The following GYG1 variants were observed in gnomAD, a reference collection of about 807,000 sequenced individuals.
GYG1 encodes the protein glycogenin 1.
A neutral mutation model predicts 41.9 loss-of-function variants in GYG1; 44 were observed. The ratio of observed to expected loss-of-function variants is 1.05; its 90% CI spans 0.83 to 1.35. The LOEUF is 1.35. Ranked by LOEUF, GYG1 falls within the 40% of genes most tolerant of loss-of-function variation. GYG1 has a pLI of 0.00. For missense variants in GYG1, 429 were observed against 418.9 expected (o/e 1.02, Z -0.21); for synonymous variants, 141 against 158.1 (o/e 0.89, Z 0.81).
intron 4 of GYG1, 102 bp from the exon 5 acceptor site, chr3:149,009,174 A>AT: frequency 2.2e-6 from 2 of 924,478 alleles, no homozygotes; most frequent in Non-Finnish European, 3.3e-6. Flanking sequence ...AAAAAAAAAA[A>AT]TGGAATTAGT....
At position 149,026,869 on chromosome 3, in the gene GYG1, C is replaced by G; in HGVS notation, c.989C>G (p.Ala330Gly). The G allele has an allele frequency of 6.2e-7, 1 of 1,613,734 alleles. No individual in the cohort carries two copies. Among genetic ancestry groups the G allele is most frequent in the Non-Finnish European group, 8.5e-7 (1 of 1,179,638 alleles). Residue 330 changes from alanine to glycine, a missense_variant, in exon 8 of 8, where the codon GCT becomes GGT. Ala to Gly is a moderately conservative substitution (Grantham distance 60). Transcript: ENST00000345003. Reference sequence around the variant, plus strand: ...AAGGAACGATGGGAACAGGGCCAGGCTGATTATATGGGAGCAGATTCCTTT... The same window carrying G: ...AAGGAACGATGGGAACAGGGCCAGGGTGATTATATGGGAGCAGATTCCTTT... The part of the protein sequence containing the change: ...ERKERWEQGQ[A>G]DYMGADSFDN...
At chr3:149,026,372 C>G (rs1030150259) in intron 6 of GYG1, 80 bp from the exon 7 acceptor site, 1 of 881,272 alleles carries the variant, frequency 1.1e-6, no homozygotes, top group Admixed American at 1.7e-5. Flanking sequence ...CCTTTCAGAG[C>G]CCACACAGAT....
In GYG1 at chr3:148,994,129, T is replaced by TC; in HGVS notation, c.8-12dup. On this transcript the variant is annotated splice_polypyrimidine_tract_variant and intron_variant, in intron 1 of 7. Transcript: ENST00000345003. ...GATACTGTAATGAGTGTTTTTTTTTTCTTTGTATTAAGATCAGGCCTTTGT... is the reference window on the plus strand; with the variant it reads ...GATACTGTAATGAGTGTTTTTTTTTTCCTTTGTATTAAGATCAGGCCTTTGT... The TC allele has an allele frequency of 6.2e-7, 1 of 1,612,356 alleles. No individual in the cohort carries two copies. The highest frequency in any genetic ancestry group is 1.1e-5 in the South Asian group (1 of 91,034).
chr3:148,999,158 G>A (rs1361085168), intron 4 of GYG1, among the ~76,000 whole-genome samples: 34 of 152,154 alleles, frequency 2.2e-4, no homozygotes, highest in Non-Finnish European at 1.5e-5. Flanking sequence ...AAGAAGCTTG[G>A]ATGCGTGCAG....
chr3:148,997,746 A>G (rs1576539080), intron 4 of GYG1, among the ~76,000 whole-genome samples: 1 of 152,236 alleles, frequency 6.6e-6, no homozygotes, highest in East Asian at 1.9e-4. Flanking sequence ...GAAGGAGGAC[A>G]TTCTCTTAGA....
intron 4 of GYG1, among the ~76,000 whole-genome samples, chr3:148,999,126 A>C (rs1378972948): frequency 6.6e-6 from 1 of 152,214 alleles, no homozygotes; most frequent in Non-Finnish European, 1.5e-5. Context: ...AGAATATGAA[A>C]CTAACTAACC....
intron 5 of GYG1, among the ~76,000 whole-genome samples, chr3:149,015,246 G>C (rs1173251328): frequency 6.6e-5 from 10 of 152,216 alleles, no homozygotes; most frequent in African/African-American, 2.4e-4. Context: ...TAGCATCCTA[G>C]TGAAAGTATG....
At chr3:149,024,691 C>T (rs1714558048) in intron 6 of GYG1, among the ~76,000 whole-genome samples, 1 of 152,130 alleles carries the variant, frequency 6.6e-6, no homozygotes, top group Non-Finnish European at 1.5e-5. Flanking sequence ...GTGAAAATGA[C>T]AATATGAACA....
chr3:148,995,310 G>A (rs572370827), intron 2 of GYG1, among the ~76,000 whole-genome samples: 4 of 152,300 alleles, frequency 2.6e-5, no homozygotes, highest in Admixed American at 2.6e-4. Context: ...TTTGTGATGT[G>A]TTTATTTTTC....
At chr3:148,994,073 G>T in intron 1 of GYG1, 69 bp from the exon 2 acceptor site, 1 of 1,383,274 alleles carries the variant, frequency 7.2e-7, no homozygotes, top group African/African-American at 1.4e-5. Context: ...TGTTTGAATG[G>T]GTTCCTGGGG....
At chr3:149,019,530 T>A (rs1305190814) in intron 5 of GYG1, among the ~76,000 whole-genome samples, 1 of 152,210 alleles carries the variant, frequency 6.6e-6, no homozygotes, top group Non-Finnish European at 1.5e-5. Flanking sequence ...AGTTTCTACT[T>A]TAAACAGCCT....
intron 2 of GYG1, among the ~76,000 whole-genome samples, 158 bp from the exon 3 acceptor site, chr3:148,996,144 G>A (rs1002055011): frequency 1.3e-5 from 2 of 152,204 alleles, no homozygotes; most frequent in Non-Finnish European, 2.9e-5. Context: ...GTTTGTCCTG[G>A]AGTAAAATTA....
In GYG1 at chr3:149,009,367, C is replaced by T; in HGVS notation, c.573C>T (p.Ser191=). 6.2e-7 allele frequency: 1 copy of T among 1,612,690 alleles called. No homozygotes were observed. Among genetic ancestry groups the T allele is most frequent in the Non-Finnish European group, 8.5e-7 (1 of 1,178,662 alleles). ...TGCCGTTTATTTATAACCTAAGCAG[C>T]ATCTCTATATACTCCTACCTCCCGG... is the stretch of plus-strand genomic sequence containing the variant. The part of the protein sequence containing the change: ...KHLPFIYNLS[S]ISIYSYLPAF... Residue 191 remains serine (S), a synonymous_variant, in exon 5 of 8, where the codon AGC becomes AGT. Transcript: ENST00000345003.
rs1044150667 is a variant in GYG1, at chr3:149,017,865, G to A, written c.609-6188G>A. Reference sequence around the variant, plus strand: ...TGAACTCAGGCAATTCTCCCGCCTCGGCCTCCCAAAGTGCTAGGATTACAG... The same window carrying A: ...TGAACTCAGGCAATTCTCCCGCCTCAGCCTCCCAAAGTGCTAGGATTACAG... On this transcript the variant is annotated intron_variant, in intron 5 of 7. Coordinates refer to ENST00000345003, the MANE Select transcript of GYG1 (RefSeq NM_004130.4). Among the ~76,000 whole-genome samples, 11 of 150,794 alleles carry A rather than the reference G, an allele frequency of 7.3e-5. No homozygotes were observed. The East Asian group carries it at 2.0e-3, about 27-fold the overall frequency.
intron 5 of GYG1, among the ~76,000 whole-genome samples, chr3:149,020,498 A>G (rs1457722621): frequency 6.6e-6 from 1 of 152,230 alleles, no homozygotes; most frequent in East Asian, 1.9e-4. Flanking sequence ...GAAGTTATTT[A>G]ACTTCTTCAT....
intron 5 of GYG1, among the ~76,000 whole-genome samples, chr3:149,014,088 A>C (rs186714878): frequency 6.6e-6 from 1 of 152,178 alleles, no homozygotes; most frequent in Admixed American, 6.5e-5. Flanking sequence ...CTTGTATGGC[A>C]CATGGCACAG....
At chr3:148,996,226 G>A in intron 2 of GYG1, 76 bp from the exon 3 acceptor site, 1 of 973,816 alleles carries the variant, frequency 1.0e-6, no homozygotes, top group Non-Finnish European at 1.7e-6. Flanking sequence ...AGGTAATAAA[G>A]CATCAGTCTT....
chr3:149,001,775 GGGTGGGTGGTGGT>G lies in GYG1; in HGVS notation c.481+4882_481+4894del, dbSNP rs555290286. Among the ~76,000 whole-genome samples the G allele has an allele frequency of 9.9e-4, 150 of 152,246 alleles. 1 individual carries two copies. The highest frequency in any genetic ancestry group is 3.5e-3 in the African/African-American group (146 of 41,538). Reference sequence around the variant, plus strand: ...TCTGGTTGGGTTATGTGTTGTGGTGGGGTGGGTGGTGGTGGTGGGTGGTTTTTCCATTCCCAAT... The same window carrying G: ...TCTGGTTGGGTTATGTGTTGTGGTGGGGTGGGTGGTTTTTCCATTCCCAAT... On this transcript the variant is annotated intron_variant, in intron 4 of 7. Transcript: ENST00000345003.
chr3:149,014,442 G>GA (rs1363561743), intron 5 of GYG1, among the ~76,000 whole-genome samples: 2 of 152,160 alleles, frequency 1.3e-5, no homozygotes, highest in African/African-American at 4.8e-5. Flanking sequence ...CTCGGTCGAA[G>GA]AGGGAGCTCA....
Sources: allele counts gnomAD v4.1 joint callset (sites outside exome capture counted in the v4.1 genomes callset), GRCh38; gene constraint gnomAD v4.1.1; transcripts MANE v1.5; gene names NCBI Gene and HGNC (gene_info 2026-07-23, HGNC 2026-07-21).